The following BMP2K variants were observed in gnomAD, a reference collection of about 807,000 sequenced individuals.
BMP2K encodes the protein BMP-2-inducible protein kinase.
Under a neutral mutation model 116.0 loss-of-function variants are expected in BMP2K, and 74 were observed. The observed-to-expected ratio is 0.64, with a 90% confidence interval of 0.53 to 0.77. The LOEUF (loss-of-function observed/expected upper bound fraction) is 0.77, where lower values mean the gene tolerates loss of function less well. BMP2K is among the 30% of genes least tolerant of loss of function. The pLI, the probability that BMP2K is intolerant of heterozygous loss-of-function variation, is 0.00. For synonymous variants in BMP2K, 486 were observed against 502.5 expected, an observed-to-expected ratio of 0.97 and a Z score of 0.44; for missense variants, 1,365 against 1,403.6, an observed-to-expected ratio of 0.97 and a Z score of 0.44.
At chr4:78,851,180 A>G (rs1450596866) in intron 7 of BMP2K, 124 bp downstream of exon 7, 1 of 983,744 alleles carries the variant, frequency 1.0e-6, no homozygotes. Flanking sequence ...ACTATAGTAA[A>G]GAAAAAAACA....
intron 7 of BMP2K, among the ~76,000 whole-genome samples, chr4:78,855,461 G>GATAAA (rs1731460026): frequency 6.6e-6 from 1 of 152,114 alleles, no homozygotes; most frequent in African/African-American, 2.4e-5. Context: ...TAGAGATGGT[G>GATAAA]GCTTAACTTT....
At chr4:78,867,147 G>A (rs1203761345) in intron 10 of BMP2K, among the ~76,000 whole-genome samples, 2 of 151,340 alleles carry the variant, frequency 1.3e-5, no homozygotes, top group Non-Finnish European at 2.9e-5. Context: ...ACACCAGCCT[G>A]GGTGACAGAA....
rs182127944 is a variant in BMP2K, at chr4:78,783,174, A to G, written c.178+6453A>G. Among the ~76,000 whole-genome samples, 240 of 152,348 alleles carry G rather than the reference A, an allele frequency of 1.6e-3. 3 individuals are homozygous for G. Among genetic ancestry groups the G allele is most frequent in the Non-Finnish European group, 1.9e-4 (13 of 68,034 alleles). On this transcript the variant is annotated intron_variant, in intron 1 of 15. Coordinates refer to ENST00000502613, the MANE Select transcript of BMP2K (RefSeq NM_198892.2). Reference sequence around the variant, plus strand: ...AAAATATCTGAATAGTTTGTTAGATAATTATGTGTCCCTCAGCCATATTGA... The same window carrying G: ...AAAATATCTGAATAGTTTGTTAGATGATTATGTGTCCCTCAGCCATATTGA...
At position 78,842,397 on chromosome 4, in the gene BMP2K, T is replaced by C; in HGVS notation, c.416T>C (p.Val139Ala). Residue 139 changes from valine (V) to alanine (A), a missense_variant, in exon 4 of 16, where the codon GTG becomes GCG. Val to Ala is a moderately conservative substitution (Grantham distance 64). Transcript: ENST00000502613. ...LMEYCRAGQV[V>A]NQMNKKLQTG... is the part of the protein sequence containing the mutation. Reference sequence around the variant, plus strand: ...CTTTTTTGGTTAGCTGGACAGGTAGTGAATCAAATGAATAAGAAGCTACAG... The same window carrying C: ...CTTTTTTGGTTAGCTGGACAGGTAGCGAATCAAATGAATAAGAAGCTACAG... 6.3e-7 allele frequency: 1 copy of C among 1,596,178 alleles called. No homozygotes were observed. Among genetic ancestry groups the C allele is most frequent in the African/African-American group, 1.3e-5 (1 of 74,776 alleles).
chr4:78,810,302 T>C (rs1414562893), intron 1 of BMP2K, among the ~76,000 whole-genome samples: 1 of 152,160 alleles, frequency 6.6e-6, no homozygotes, highest in Non-Finnish European at 1.5e-5. Context: ...CTCAGTTCTT[T>C]CCTGGGCGTG....
intron 14 of BMP2K, 191 bp downstream of exon 14, chr4:78,879,082 A>T: frequency 7.4e-7 from 1 of 1,351,574 alleles, no homozygotes; most frequent in East Asian, 3.0e-5. Flanking sequence ...GTTGCTTGAT[A>T]GTAGCTATTA....
intron 15 of BMP2K, among the ~76,000 whole-genome samples, chr4:78,898,680 T>C (rs544912998): frequency 1.1e-4 from 16 of 150,126 alleles, no homozygotes; most frequent in Non-Finnish European, 2.4e-4. Flanking sequence ...AGACCATTGC[T>C]CCTCAAAGTG....
At chr4:78,861,342 TTAAAA>T in intron 8 of BMP2K, 42 bp from the exon 9 acceptor site, 1 of 1,479,630 alleles carries the variant, frequency 6.8e-7, no homozygotes, top group Non-Finnish European at 9.2e-7. Flanking sequence ...CTTTCTGCAA[TTAAAA>T]TAAAAAACTA....
intron 13 of BMP2K, among the ~76,000 whole-genome samples, chr4:78,874,987 C>T (rs754147051): frequency 3.3e-5 from 5 of 152,148 alleles, no homozygotes; most frequent in Non-Finnish European, 7.3e-5. Flanking sequence ...TGGGAAAGTG[C>T]ATAAGACTTG....
chr4:78,784,360 CTTTGT>C (rs1239635025), intron 1 of BMP2K, among the ~76,000 whole-genome samples: 1 of 152,150 alleles, frequency 6.6e-6, no homozygotes, highest in Non-Finnish European at 1.5e-5. Flanking sequence ...CTGTTTATTC[CTTTGT>C]TTTATCTTGC....
intron 1 of BMP2K, among the ~76,000 whole-genome samples, chr4:78,807,525 A>G (rs1218497432): frequency 6.6e-6 from 1 of 151,774 alleles, no homozygotes; most frequent in Non-Finnish European, 1.5e-5. Flanking sequence ...GATGGAATTT[A>G]TTAGTAAAGC....
intron 14 of BMP2K, chr4:78,879,129 ACTT>A: frequency 8.2e-7 from 1 of 1,219,420 alleles, no homozygotes; most frequent in Non-Finnish European, 1.0e-6. Flanking sequence ...ATATCCTAAA[ACTT>A]AAATATTGCA....
chr4:78,826,550 T>G (rs1269080034), intron 2 of BMP2K, among the ~76,000 whole-genome samples: 2 of 152,260 alleles, frequency 1.3e-5, no homozygotes, highest in African/African-American at 4.8e-5. Context: ...AGCTGCTTAT[T>G]TATAATAATC....
At chr4:78,903,711 C>A (rs1332426493) in intron 15 of BMP2K, among the ~76,000 whole-genome samples, 1 of 151,876 alleles carries the variant, frequency 6.6e-6, no homozygotes, top group East Asian at 1.9e-4. Flanking sequence ...ATTTTTAATA[C>A]AGGGTACTCA....
At chr4:78,895,323 G>A (rs1733646207) in intron 15 of BMP2K, among the ~76,000 whole-genome samples, 1 of 152,086 alleles carries the variant, frequency 6.6e-6, no homozygotes, top group African/African-American at 2.4e-5. Context: ...TAAAGCATAG[G>A]GTTTAAGGTA....
chr4:78,854,252 G>A (rs1731395055), intron 7 of BMP2K, among the ~76,000 whole-genome samples: 2 of 148,038 alleles, frequency 1.4e-5, no homozygotes, highest in Non-Finnish European at 3.0e-5. Context: ...CATCTATTGG[G>A]GCTAAATTTA....
At position 78,913,465 on chromosome 4, in the gene BMP2K, T is replaced by C. The variant is rs544173893; in HGVS notation, c.*1432T>C. ...TCCTGTGTCTATGACTATTTTAAGA[T>C]ATAATTGTGCTGCGCTATCAGATTA... is the stretch of plus-strand genomic sequence containing the variant. On this transcript the variant is annotated 3_prime_UTR_variant, in exon 16 of 16. Coordinates refer to ENST00000502613, the MANE Select transcript of BMP2K (RefSeq NM_198892.2). 1 of 152,292 alleles carries C rather than the reference T, an allele frequency of 6.6e-6. No homozygotes were observed. Among genetic ancestry groups the C allele is most frequent in the South Asian group, 2.1e-4 (1 of 4,830 alleles). 9.4% of individuals were successfully genotyped at this position (152,292 alleles called of 1,614,324 possible). A position where few individuals can be genotyped will look rare whatever the true frequency, so the allele number is the denominator to read the frequency against.
intron 15 of BMP2K, among the ~76,000 whole-genome samples, chr4:78,893,796 C>T (rs1210505753): frequency 3.3e-5 from 5 of 152,182 alleles, no homozygotes; most frequent in African/African-American, 1.2e-4. Context: ...AACTCCTGGC[C>T]TCAAGCAGCC....
At position 78,837,016 on chromosome 4, in the gene BMP2K, T is replaced by C. The variant is rs190025277; in HGVS notation, c.403+3329T>C. On this transcript the variant is annotated intron_variant, in intron 3 of 15. Transcript: ENST00000502613. ...TTTTGTCTTCTATTTTCTGTTCTCT[T>C]ACTGGACTTCTCATTTTCTTTCAAA... Among the ~76,000 whole-genome samples the C allele has an allele frequency of 3.9e-3, 590 of 152,274 alleles. 4 individuals are homozygous for C. The highest frequency in any genetic ancestry group is 6.8e-3 in the Middle Eastern group (2 of 294).
Sources: allele counts gnomAD v4.1 joint callset (sites outside exome capture counted in the v4.1 genomes callset), GRCh38; gene constraint gnomAD v4.1.1; transcripts MANE v1.5; gene names NCBI Gene and HGNC (gene_info 2026-07-23, HGNC 2026-07-21).